Variants in EIF4G3 observed in about 807,000 individuals in gnomAD.
The protein encoded by EIF4G3 is eIF-4-gamma 3.
In EIF4G3, 34 loss-of-function variants were observed where a neutral mutation model predicts 186.4. The observed-to-expected ratio is 0.18, with a 90% CI of 0.14 to 0.24. The LOEUF (loss-of-function observed/expected upper bound fraction) is 0.24. Among genes scored for constraint, EIF4G3 ranks in the 10% least tolerant of loss-of-function variants. The pLI is 1.00. For missense variants in EIF4G3, 1,536 were observed against 1,948.5 expected, an observed-to-expected ratio of 0.79 and a Z score of 3.99; for synonymous variants, 673 against 679.5, an observed-to-expected ratio of 0.99 and a Z score of 0.15.
intron 2 of EIF4G3, among the ~76,000 whole-genome samples, chr1:21,113,350 G>A (rs1331934372): frequency 1.3e-5 from 2 of 151,746 alleles, no homozygotes; most frequent in East Asian, 3.9e-4. Context: ...TCAGACAGAA[G>A]AATGAATTCT....
At chr1:20,985,388 T>C (rs2079224860) in intron 7 of EIF4G3, among the ~76,000 whole-genome samples, 1 of 152,146 alleles carries the variant, frequency 6.6e-6, no homozygotes, top group African/African-American at 2.4e-5. Flanking sequence ...TCAACTTCAC[T>C]GCATTAATAC....
At chr1:21,076,656 A>T (rs978827089) in intron 3 of EIF4G3, among the ~76,000 whole-genome samples, 1 of 152,286 alleles carries the variant, frequency 6.6e-6, no homozygotes, top group Non-Finnish European at 1.5e-5. Context: ...TAGCCAATTC[A>T]TTTTTTTAAG....
chr1:20,860,626 G>T, intron 23 of EIF4G3, 109 bp from the exon 24 acceptor site: 1 of 1,218,834 alleles, frequency 8.2e-7, no homozygotes, highest in Non-Finnish European at 1.1e-6. Context: ...TACAAAAGCT[G>T]TATTATGGCA....
Position 20,972,884 on chromosome 1 carries a change from T to C in EIF4G3, c.591+118A>G, listed in dbSNP as rs750106201. ...AAGTGGTGTGACTATAAGGGAAGAA[T>C]AAAAAAAAAAAAGGCACAGTAATTT... On this transcript the variant is annotated intron_variant, in intron 11 of 36. Coordinates refer to ENST00000602326, the MANE Select transcript of EIF4G3 (RefSeq NM_001391906.1). 1.3e-5 allele frequency: 8 copies of C among 636,014 alleles called. No homozygotes were observed. The East Asian group carries it at 2.4e-4, about 19-fold the overall frequency. 39.4% of individuals were successfully genotyped at this position (636,014 alleles called of 1,614,324 possible).
intron 3 of EIF4G3, among the ~76,000 whole-genome samples, chr1:21,080,776 G>A (rs1309150755): frequency 6.6e-6 from 1 of 152,070 alleles, no homozygotes; most frequent in Non-Finnish European, 1.5e-5. Flanking sequence ...CCAAAGTGCT[G>A]GGATTACAGG....
chr1:20,881,421 C>T (rs143547965), intron 19 of EIF4G3, among the ~76,000 whole-genome samples: 302 of 152,208 alleles, frequency 2.0e-3, no homozygotes, highest in African/African-American at 6.8e-3. Flanking sequence ...CTTGGGTTTA[C>T]GCAAGTATTT....
intron 3 of EIF4G3, among the ~76,000 whole-genome samples, chr1:21,052,845 G>A (rs1330218892): frequency 1.3e-5 from 2 of 152,246 alleles, no homozygotes; most frequent in Non-Finnish European, 2.9e-5. Flanking sequence ...GGCCTCCCGA[G>A]GTGCCGGGAT....
intron 14 of EIF4G3, chr1:20,941,111 G>A (rs2095694247): frequency 1.0e-6 from 1 of 1,004,320 alleles, no homozygotes; most frequent in African/African-American, 1.7e-5. Context: ...AAAATTCTAG[G>A]AAGACAGAAT....
Position 21,042,831 on chromosome 1 carries a change from A to C in EIF4G3, c.-67+8035T>G, listed in dbSNP as rs531064722. On this transcript the variant is annotated intron_variant, in intron 4 of 36. Transcript: ENST00000602326. ...CAAGCACTTTAAATTGAAGAGTCAAACTGCACAATTTCTTCATTATTCTTA... is the reference window on the plus strand; with the variant it reads ...CAAGCACTTTAAATTGAAGAGTCAACCTGCACAATTTCTTCATTATTCTTA... Among the ~76,000 whole-genome samples the C allele has an allele frequency of 9.2e-5, 14 of 152,276 alleles. No homozygotes were observed. The South Asian group carries it at 2.9e-3, about 32-fold the overall frequency.
chr1:21,026,342 T>C (rs1187110530), intron 4 of EIF4G3, among the ~76,000 whole-genome samples: 2 of 152,046 alleles, frequency 1.3e-5, no homozygotes, highest in African/African-American at 2.4e-5. Context: ...GATATACATA[T>C]GCAAAAGAAT....
chr1:20,999,016 G>C (rs1477526819), intron 6 of EIF4G3, among the ~76,000 whole-genome samples: 2 of 152,030 alleles, frequency 1.3e-5, no homozygotes, highest in Non-Finnish European at 2.9e-5. Context: ...CAAAACATTT[G>C]GAATTACTTC....
chr1:21,100,983 A>G (rs2096504242), intron 2 of EIF4G3, among the ~76,000 whole-genome samples: 1 of 152,176 alleles, frequency 6.6e-6, no homozygotes, highest in Non-Finnish European at 1.5e-5. Context: ...ACTAGTATCA[A>G]GAAAAGATCC....
At chr1:21,141,377 T>TTGTGTGTGTG (rs10627733) in intron 2 of EIF4G3, among the ~76,000 whole-genome samples, 41,377 of 144,972 alleles carry the variant, frequency 0.29, 5,977 homozygotes, top group East Asian at 0.41. Flanking sequence ...TATTTTTTCT[T>TTGTGTGTGTG]TGTGTGTGTG....
intron 29 of EIF4G3, among the ~76,000 whole-genome samples, chr1:20,843,586 T>C (rs1292113427): frequency 6.6e-6 from 1 of 152,200 alleles, no homozygotes; most frequent in Non-Finnish European, 1.5e-5. Context: ...AAATGTCTTC[T>C]AATGGGAATT....
intron 2 of EIF4G3, among the ~76,000 whole-genome samples, chr1:21,115,884 A>G (rs1483319004): frequency 6.6e-6 from 1 of 151,856 alleles, no homozygotes; most frequent in Non-Finnish European, 1.5e-5. Flanking sequence ...ATGCCCAGCT[A>G]ATTTTTTTTT....
At chr1:21,023,822 T>C (rs1474507659) in intron 4 of EIF4G3, among the ~76,000 whole-genome samples, 1 of 139,070 alleles carries the variant, frequency 7.2e-6, no homozygotes, top group African/African-American at 2.9e-5. Context: ...GGAGCGCCTC[T>C]TCCCGGCCGC....
At chr1:20,881,946 T>C (rs2082448253) in intron 19 of EIF4G3, among the ~76,000 whole-genome samples, 1 of 151,842 alleles carries the variant, frequency 6.6e-6, no homozygotes, top group South Asian at 2.1e-4. Context: ...GCAGATTGCT[T>C]GAGCTCAGGG....
Position 21,074,723 on chromosome 1 carries a change from A to G in EIF4G3, c.-196+14415T>C, listed in dbSNP as rs60406083. Among the ~76,000 whole-genome samples the G allele has an allele frequency of 4.7e-4, 72 of 152,346 alleles. 1 individual carries two copies. In the East Asian group the frequency reaches 0.013, roughly 27 times the overall value. Reference sequence around the variant, plus strand: ...ATGTTCCTACAGAATTAGGAAGATTATAACTGCTGTGTAATAACTTGGAAA... The same window carrying G: ...ATGTTCCTACAGAATTAGGAAGATTGTAACTGCTGTGTAATAACTTGGAAA... On this transcript the variant is annotated intron_variant, in intron 3 of 36. Coordinates refer to ENST00000602326, the MANE Select transcript of EIF4G3 (RefSeq NM_001391906.1).
chr1:20,860,277 T>C (rs750846657), intron 24 of EIF4G3, 108 bp downstream of exon 24: 20 of 1,460,710 alleles, frequency 1.4e-5, no homozygotes, highest in Non-Finnish European at 1.8e-5. Context: ...CACCACTCTA[T>C]TCTTTGGGCT....
Sources: allele counts gnomAD v4.1 joint callset (sites outside exome capture counted in the v4.1 genomes callset), GRCh38; gene constraint gnomAD v4.1.1; transcripts MANE v1.5; gene names NCBI Gene and HGNC (gene_info 2026-07-23, HGNC 2026-07-21).